EFNA5: variants seen among roughly 807,000 people sequenced by gnomAD.
EFNA5 encodes the protein ephrin A5, also known as ephrin-A5.
Under a neutral mutation model 22.9 loss-of-function variants are expected in EFNA5, and 5 were observed. The observed-to-expected ratio is 0.22, with a 90% CI of 0.11 to 0.46. The LOEUF (loss-of-function observed/expected upper bound fraction) is 0.46, where lower values mean the gene tolerates loss of function less well. EFNA5 is among the 20% of genes least tolerant of loss of function. EFNA5 has a pLI of 0.99. For missense variants in EFNA5, 237 were observed against 293.3 expected (o/e 0.81, Z 1.40); for synonymous variants, 113 against 112.2 (o/e 1.01, Z -0.04).
rs149638734 is a variant in EFNA5 at position 107,528,312 on chromosome 5, G to A, written c.126-100803C>T. Among the ~76,000 whole-genome samples, 642 of 152,272 alleles carry A rather than the reference G, an allele frequency of 4.2e-3. 1 individual carries two copies. The highest frequency in any genetic ancestry group is 7.0e-3 in the Non-Finnish European group (473 of 68,032). ...CCTGATGGGACACTCATTATAACAGGAGAAATAATAATGTCTTTTACAAAG... is the reference window on the plus strand; with the variant it reads ...CCTGATGGGACACTCATTATAACAGAAGAAATAATAATGTCTTTTACAAAG... On this transcript the variant is annotated intron_variant, in intron 1 of 4. Transcript: ENST00000333274.
rs570226394 is a variant in EFNA5 at position 107,441,787 on chromosome 5, G to A, written c.126-14278C>T. Among the ~76,000 whole-genome samples the A allele has an allele frequency of 3.3e-5, 5 of 152,182 alleles. No homozygotes were observed. In the South Asian group the frequency reaches 1.0e-3, roughly 32 times the overall value. On this transcript the variant is annotated intron_variant, in intron 1 of 4. Coordinates refer to ENST00000333274, the MANE Select transcript of EFNA5 (RefSeq NM_001962.3). The stretch of plus-strand genomic sequence containing the variant: ...TGTCAGAGATGTTTCCAAGTATATG[G>A]AAACAGGAAATACTGCATTTCTTTG...
At chr5:107,624,180 G>C (rs1053681779) in intron 1 of EFNA5, among the ~76,000 whole-genome samples, 4 of 152,118 alleles carry the variant, frequency 2.6e-5, no homozygotes, top group Non-Finnish European at 5.9e-5. Context: ...TAATTAAAAG[G>C]TAATATTAAC....
chr5:107,403,517 T>A (rs1748137584), intron 2 of EFNA5, among the ~76,000 whole-genome samples: 1 of 152,228 alleles, frequency 6.6e-6, no homozygotes, highest in Non-Finnish European at 1.5e-5. Flanking sequence ...AACATAACAC[T>A]AGTTCTTCCT....
At chr5:107,453,960 TG>T (rs1749625258) in intron 1 of EFNA5, among the ~76,000 whole-genome samples, 1 of 151,984 alleles carries the variant, frequency 6.6e-6, no homozygotes, top group African/African-American at 2.4e-5. Flanking sequence ...TGTGTGTGTG[TG>T]TGTGTATGTG....
At chr5:107,657,956 T>C (rs541118926) in intron 1 of EFNA5, among the ~76,000 whole-genome samples, 1 of 152,282 alleles carries the variant, frequency 6.6e-6, no homozygotes, top group South Asian at 2.1e-4. Context: ...AAGCAAATAA[T>C]ACATACGCTG....
chr5:107,403,089 C>A lies in EFNA5; in HGVS notation c.419-15318G>T, dbSNP rs377181572. ...CAGCTGTGCCAGAGACTGGAAAACT[C>A]AAGATGCGCATGACATGTTCATTAG... On this transcript the variant is annotated intron_variant, in intron 2 of 4. Transcript: ENST00000333274. 4.6e-5 allele frequency among the ~76,000 whole-genome samples: 7 copies of A among 152,296 alleles called. No individual in the cohort carries two copies. In the East Asian group the frequency reaches 7.7e-4, roughly 17 times the overall value.
chr5:107,650,000 C>G (rs1401890483), intron 1 of EFNA5, among the ~76,000 whole-genome samples: 1 of 152,104 alleles, frequency 6.6e-6, no homozygotes, highest in Admixed American at 6.6e-5. Flanking sequence ...TGGGCCAGCC[C>G]TTGAGTATGG....
intron 1 of EFNA5, among the ~76,000 whole-genome samples, chr5:107,647,699 A>ATGGCT (rs1220836232): frequency 5.3e-5 from 8 of 152,302 alleles, no homozygotes; most frequent in African/African-American, 1.9e-4. Context: ...ACTGTCGGTA[A>ATGGCT]TGGCTGCTGC....
intron 1 of EFNA5, among the ~76,000 whole-genome samples, chr5:107,521,476 A>AT (rs1224759732): frequency 0.1 from 5,804 of 58,172 alleles, 193 homozygotes; most frequent in South Asian, 0.13. Context: ...ATATATATAT[A>AT]TTTTTTTTTT....
intron 1 of EFNA5, among the ~76,000 whole-genome samples, chr5:107,430,774 CTTTT>C (rs869266799): frequency 2.0e-4 from 4 of 20,314 alleles, no homozygotes; most frequent in Admixed American, 7.0e-4. Flanking sequence ...TTCTTTCTTT[CTTTT>C]TTTTTTTTTT....
chr5:107,615,461 T>C (rs1306064019), intron 1 of EFNA5, among the ~76,000 whole-genome samples: 1 of 152,176 alleles, frequency 6.6e-6, no homozygotes, highest in Non-Finnish European at 1.5e-5. Context: ...TATTTTCAGT[T>C]AAAATGCGCA....
chr5:107,641,025 C>T (rs113826914), intron 1 of EFNA5, among the ~76,000 whole-genome samples: 1,293 of 90,472 alleles, frequency 0.014, 7 homozygotes, highest in African/African-American at 0.018. Flanking sequence ...GATAGATAGA[C>T]AGACAGACAG....
intron 3 of EFNA5, 102 bp downstream of exon 3, chr5:107,387,604 C>A: frequency 1.3e-6 from 1 of 787,558 alleles, no homozygotes. Context: ...AGATACCACA[C>A]AAGATTTAAC....
chr5:107,483,691 C>T (rs974939555), intron 1 of EFNA5, among the ~76,000 whole-genome samples: 1 of 152,190 alleles, frequency 6.6e-6, no homozygotes, highest in East Asian at 1.9e-4. Context: ...AAATACTGCT[C>T]ACAAGTATGA....
intron 1 of EFNA5, among the ~76,000 whole-genome samples, chr5:107,607,398 TAG>T (rs1236385163): frequency 6.6e-6 from 1 of 152,216 alleles, no homozygotes; most frequent in Non-Finnish European, 1.5e-5. Context: ...ACATTTGCAG[TAG>T]AGTTTGAGCC....
intron 1 of EFNA5, among the ~76,000 whole-genome samples, chr5:107,452,675 C>T (rs1749591829): frequency 6.6e-6 from 1 of 152,118 alleles, no homozygotes; most frequent in Non-Finnish European, 1.5e-5. Context: ...TGCAGTGAAT[C>T]GTGATTGAGC....
intron 1 of EFNA5, among the ~76,000 whole-genome samples, chr5:107,659,217 T>C (rs982940592): frequency 1.3e-5 from 2 of 152,156 alleles, no homozygotes; most frequent in Non-Finnish European, 2.9e-5. Flanking sequence ...GTGAAAACTT[T>C]GGAAAAATAA....
At position 107,611,913 on chromosome 5, in the gene EFNA5, C is replaced by A. The variant is rs143295550; in HGVS notation, c.125+58576G>T. On this transcript the variant is annotated intron_variant, in intron 1 of 4. Transcript: ENST00000333274. ...TATGTAAGGAGTAGTTATTTCAAAT[C>A]ATTTTCTCTGCTCGTTTTCATTTAT... Among the ~76,000 whole-genome samples, 14 of 152,302 alleles carry A rather than the reference C, an allele frequency of 9.2e-5. No individual in the cohort carries two copies. In the East Asian group the frequency reaches 2.5e-3, roughly 27 times the overall value.
chr5:107,641,467 T>C (rs1750510435), intron 1 of EFNA5, among the ~76,000 whole-genome samples: 1 of 152,150 alleles, frequency 6.6e-6, no homozygotes, highest in Non-Finnish European at 1.5e-5. Context: ...AATTTTCTGA[T>C]TAAGGTTACT....
Sources: gnomAD v4.1 joint callset for allele counts (sites outside exome capture counted in the v4.1 genomes callset) on GRCh38, gnomAD v4.1.1 for gene constraint, MANE v1.5 for transcripts, NCBI Gene and HGNC (gene_info 2026-07-23, HGNC 2026-07-21) for gene names.